ROBO1: variants seen among roughly 807,000 people sequenced by gnomAD.
ROBO1 encodes the protein roundabout guidance receptor 1, also known as roundabout homolog 1.
A neutral mutation model predicts 195.9 loss-of-function variants in ROBO1; 149 were observed. The observed-to-expected ratio is 0.76, with a 90% CI of 0.67 to 0.87. The LOEUF (loss-of-function observed/expected upper bound fraction) is 0.87. Ranked by LOEUF, ROBO1 falls within the 40% of genes least tolerant of loss-of-function variation. ROBO1 has a pLI of 0.00. For synonymous variants in ROBO1, 816 were observed against 733.2 expected (o/e 1.11, Z -1.82); for missense variants, 1,933 against 2,068.3 (o/e 0.93, Z 1.27).
chr3:79,725,904 TAAAAA>T (rs34114066), intron 1 of ROBO1, among the ~76,000 whole-genome samples: 1 of 147,274 alleles, frequency 6.8e-6, no homozygotes, highest in East Asian at 2.0e-4. Context: ...TACAGACACT[TAAAAA>T]AAAAAACTTT....
chr3:79,568,844 G>T (rs958181291), intron 2 of ROBO1, among the ~76,000 whole-genome samples: 1 of 152,064 alleles, frequency 6.6e-6, no homozygotes, highest in South Asian at 2.1e-4. Flanking sequence ...TTAATATTAC[G>T]TTATACTCTG....
At chr3:79,409,099 A>C (rs571962201) in intron 2 of ROBO1, among the ~76,000 whole-genome samples, 16 of 152,274 alleles carry the variant, frequency 1.1e-4, no homozygotes, top group Middle Eastern at 3.4e-3. Context: ...TAAACATGAG[A>C]ATAAATTGGT....
chr3:79,674,464 T>C (rs1323302502), intron 1 of ROBO1, among the ~76,000 whole-genome samples: 1 of 151,822 alleles, frequency 6.6e-6, no homozygotes, highest in South Asian at 2.1e-4. Context: ...TTTTTGAAAA[T>C]AGAAAATAAA....
intron 1 of ROBO1, among the ~76,000 whole-genome samples, chr3:79,591,909 T>C (rs1944010375): frequency 6.6e-6 from 1 of 151,748 alleles, no homozygotes; most frequent in Admixed American, 6.6e-5. Flanking sequence ...GTCCTAGACA[T>C]AGAGTCCTGT....
At chr3:79,700,529 G>T (rs114297133) in intron 1 of ROBO1, among the ~76,000 whole-genome samples, 1 of 151,424 alleles carries the variant, frequency 6.6e-6, no homozygotes, top group African/African-American at 2.4e-5. Context: ...CTTCAACCTC[G>T]CCAGCATCTG....
At chr3:79,094,991 A>G (rs143086676) in intron 3 of ROBO1, among the ~76,000 whole-genome samples, 50 of 149,956 alleles carry the variant, frequency 3.3e-4, no homozygotes, top group African/African-American at 1.2e-3. Flanking sequence ...TGAAGTACCT[A>G]CTATGACTAC....
chr3:79,201,217 A>G (rs1392311661), intron 2 of ROBO1, among the ~76,000 whole-genome samples: 1 of 151,954 alleles, frequency 6.6e-6, no homozygotes, highest in Non-Finnish European at 1.5e-5. Flanking sequence ...CTAATTTTTA[A>G]TTCTACTGTT....
chr3:79,124,624 T>C (rs2080180908), intron 3 of ROBO1, among the ~76,000 whole-genome samples: 1 of 152,136 alleles, frequency 6.6e-6, no homozygotes, highest in South Asian at 2.1e-4. Flanking sequence ...GCAAAGTCTA[T>C]GGAGAACTGT....
At chr3:79,281,403 C>T (rs1482138637) in intron 2 of ROBO1, among the ~76,000 whole-genome samples, 1 of 152,082 alleles carries the variant, frequency 6.6e-6, no homozygotes, top group Non-Finnish European at 1.5e-5. Context: ...CCACATTTCA[C>T]ATATTCTATA....
chr3:78,674,406 G>A (rs1481885963), intron 10 of ROBO1, among the ~76,000 whole-genome samples: 1 of 152,178 alleles, frequency 6.6e-6, no homozygotes, highest in African/African-American at 2.4e-5. Flanking sequence ...ACTTGCTAAT[G>A]TATAAATACC....
intron 4 of ROBO1, among the ~76,000 whole-genome samples, chr3:78,807,368 C>G (rs2084577774): frequency 1.3e-5 from 2 of 151,866 alleles, no homozygotes; most frequent in South Asian, 4.1e-4. Context: ...TAATGTATTT[C>G]TCAAAAAAAC....
At chr3:79,166,626 T>G (rs1015511052) in intron 2 of ROBO1, among the ~76,000 whole-genome samples, 1 of 149,996 alleles carries the variant, frequency 6.7e-6, no homozygotes, top group Non-Finnish European at 1.5e-5. Context: ...AGTGCAGTGG[T>G]GCAATCTCGG....
intron 2 of ROBO1, among the ~76,000 whole-genome samples, chr3:79,410,672 AAG>A (rs2037730924): frequency 6.6e-6 from 1 of 151,928 alleles, no homozygotes; most frequent in Admixed American, 6.6e-5. Flanking sequence ...GAAAGAAAGA[AAG>A]AAAAAGAAAG....
At chr3:78,606,678 A>T in intron 29 of ROBO1, 55 bp downstream of exon 29, 2 of 1,549,022 alleles carry the variant, frequency 1.3e-6, no homozygotes, top group South Asian at 2.4e-5. Context: ...GCCTAACTGT[A>T]TGCCTTGCAA....
intron 2 of ROBO1, among the ~76,000 whole-genome samples, chr3:79,472,103 T>TA (rs1354793593): frequency 6.6e-6 from 1 of 151,998 alleles, no homozygotes; most frequent in Non-Finnish European, 1.5e-5. Flanking sequence ...ATACTAATGA[T>TA]AAAAAATTTA....
At chr3:79,547,144 C>T (rs1942297825) in intron 2 of ROBO1, among the ~76,000 whole-genome samples, 1 of 126,878 alleles carries the variant, frequency 7.9e-6, no homozygotes, top group Non-Finnish European at 1.6e-5. Flanking sequence ...GAGATCGTGC[C>T]ACTGCACTCC....
chr3:79,546,003 T>C (rs1942249623), intron 2 of ROBO1, among the ~76,000 whole-genome samples: 1 of 151,956 alleles, frequency 6.6e-6, no homozygotes, highest in African/African-American at 2.4e-5. Context: ...ACCCCCTTTT[T>C]CTCTTCCTCC....
At chr3:79,074,834 CTA>C (rs1273436798) in intron 3 of ROBO1, among the ~76,000 whole-genome samples, 1 of 151,746 alleles carries the variant, frequency 6.6e-6, no homozygotes, top group Admixed American at 6.6e-5. Context: ...CTACTAAATA[CTA>C]CATAAATCTG....
chr3:79,409,942 A>ATG (rs1322758253), intron 2 of ROBO1, among the ~76,000 whole-genome samples: 4 of 151,914 alleles, frequency 2.6e-5, no homozygotes, highest in Non-Finnish European at 5.9e-5. Context: ...ACATATATAT[A>ATG]TACACACATA....
Sources: gnomAD v4.1 joint callset for allele counts (sites outside exome capture counted in the v4.1 genomes callset) on GRCh38, gnomAD v4.1.1 for gene constraint, MANE v1.5 for transcripts, NCBI Gene and HGNC (gene_info 2026-07-23, HGNC 2026-07-21) for gene names.